The following CNBD1 variants were observed in gnomAD, a reference collection of about 807,000 sequenced individuals.
The protein encoded by CNBD1 is cyclic nucleotide-binding domain-containing protein 1.
Under a neutral mutation model 54.4 loss-of-function variants are expected in CNBD1, and 71 were observed. The ratio of observed to expected loss-of-function variants is 1.30; its 90% CI spans 1.08 to 1.59. The LOEUF (loss-of-function observed/expected upper bound fraction) is 1.59. CNBD1 is among the 40% of genes most tolerant of loss of function. The pLI is 0.00. For missense variants in CNBD1, 659 were observed against 518.0 expected (o/e 1.27, Z -2.64); for synonymous variants, 182 against 170.7 (o/e 1.07, Z -0.51).
intron 7 of CNBD1, 54 bp downstream of exon 7, chr8:87,284,869 T>A: frequency 7.9e-7 from 1 of 1,258,454 alleles, no homozygotes; most frequent in Non-Finnish European, 1.1e-6. Context: ...AAACTCAAGC[T>A]ACATTTTGAT....
intron 10 of CNBD1, among the ~76,000 whole-genome samples, chr8:87,360,199 A>G (rs986184393): frequency 1.3e-5 from 2 of 151,920 alleles, no homozygotes; most frequent in African/African-American, 4.8e-5. Flanking sequence ...AATATTAAAG[A>G]CTTCATAAAT....
chr8:87,148,564 T>TA (rs1812537405), intron 4 of CNBD1, among the ~76,000 whole-genome samples: 6 of 152,120 alleles, frequency 3.9e-5, no homozygotes, highest in Admixed American at 3.9e-4. Context: ...AGAAGGGGAA[T>TA]ACTAATCTAG....
At chr8:87,214,786 A>C (rs752098360) in intron 5 of CNBD1, among the ~76,000 whole-genome samples, 65 of 152,306 alleles carry the variant, frequency 4.3e-4, no homozygotes, top group Non-Finnish European at 8.8e-4. Context: ...GCGAAAATGG[A>C]AACCCCTTCT....
At chr8:87,234,232 C>G (rs1460969181) in intron 5 of CNBD1, among the ~76,000 whole-genome samples, 1 of 152,118 alleles carries the variant, frequency 6.6e-6, no homozygotes, top group East Asian at 1.9e-4. Context: ...TTTCCAAACT[C>G]CTGTTAGTGT....
At chr8:87,044,013 A>T (rs1328438377) in intron 4 of CNBD1, among the ~76,000 whole-genome samples, 1 of 152,208 alleles carries the variant, frequency 6.6e-6, no homozygotes, top group Non-Finnish European at 1.5e-5. Flanking sequence ...TGGTGAAATA[A>T]TCTCTATGAT....
intron 2 of CNBD1, among the ~76,000 whole-genome samples, chr8:87,427,129 A>G (rs1808064267): frequency 1.3e-5 from 2 of 152,094 alleles, no homozygotes; most frequent in Admixed American, 1.3e-4. Context: ...GTAAAGAGCT[A>G]GCATCCTTCA....
chr8:86,949,121 A>T (rs1215429142), intron 4 of CNBD1, among the ~76,000 whole-genome samples: 4 of 152,074 alleles, frequency 2.6e-5, no homozygotes, highest in African/African-American at 9.7e-5. Context: ...TTCTGTTTTT[A>T]TGCCAGTAAC....
At chr8:87,065,400 A>G (rs16896784) in intron 4 of CNBD1, among the ~76,000 whole-genome samples, 5,698 of 152,076 alleles carry the variant, frequency 0.037, 154 homozygotes, top group African/African-American at 0.073. Flanking sequence ...GAGAGGATTT[A>G]CATTGCTTCT....
intron 3 of CNBD1, among the ~76,000 whole-genome samples, chr8:86,939,059 C>A (rs1809602777): frequency 6.6e-6 from 1 of 151,902 alleles, no homozygotes; most frequent in Non-Finnish European, 1.5e-5. Flanking sequence ...ATGCTTAATT[C>A]TAGAAATATG....
chr8:86,961,876 A>G lies in CNBD1; in HGVS notation c.431+22122A>G, dbSNP rs115703117. Among the ~76,000 whole-genome samples, 362 of 152,348 alleles carry G rather than the reference A, an allele frequency of 2.4e-3. 2 individuals are homozygous for G. Among genetic ancestry groups the G allele is most frequent in the African/African-American group, 8.5e-3 (352 of 41,588 alleles). The stretch of plus-strand genomic sequence containing the variant: ...TTTATATAAACATCATACACATAAC[A>G]CATGTGTAACTACACAGACTGAAGG... On this transcript the variant is annotated intron_variant, in intron 4 of 10. Transcript: ENST00000518476.
chr8:87,205,857 A>C (rs1267330494), intron 4 of CNBD1, 136 bp from the exon 5 acceptor site: 1 of 598,586 alleles, frequency 1.7e-6, no homozygotes, highest in East Asian at 3.4e-5. Flanking sequence ...AAAAAATAGA[A>C]TAGCATCACA....
At chr8:87,037,637 T>G (rs942267882) in intron 4 of CNBD1, among the ~76,000 whole-genome samples, 3 of 152,198 alleles carry the variant, frequency 2.0e-5, no homozygotes, top group Non-Finnish European at 4.4e-5. Context: ...TCCAACAATT[T>G]TTTGTTATCA....
intron 5 of CNBD1, among the ~76,000 whole-genome samples, chr8:87,234,693 G>A (rs1033291707): frequency 1.3e-5 from 2 of 152,100 alleles, no homozygotes; most frequent in African/African-American, 4.8e-5. Context: ...ATTGTTCAGG[G>A]CCCTAGAATT....
At chr8:87,144,806 G>A (rs1812448275) in intron 4 of CNBD1, among the ~76,000 whole-genome samples, 1 of 135,538 alleles carries the variant, frequency 7.4e-6, no homozygotes, top group African/African-American at 2.9e-5. Flanking sequence ...GGCAAGGAGA[G>A]CGAAACTATG....
chr8:87,330,375 A>AT (rs1240402277), intron 8 of CNBD1, among the ~76,000 whole-genome samples: 6 of 147,026 alleles, frequency 4.1e-5, no homozygotes, highest in South Asian at 2.2e-4. Flanking sequence ...TACTAGTTTT[A>AT]TTTTTTTTCT....
At chr8:86,875,498 G>GT (rs2131772566) in intron 1 of CNBD1, among the ~76,000 whole-genome samples, 1 of 152,276 alleles carries the variant, frequency 6.6e-6, no homozygotes, top group East Asian at 1.9e-4. Context: ...ACTCTAATGG[G>GT]TTTCTGGTCT....
chr8:86,984,317 G>T (rs912812648), intron 4 of CNBD1, among the ~76,000 whole-genome samples: 2 of 152,154 alleles, frequency 1.3e-5, no homozygotes, highest in African/African-American at 4.8e-5. Flanking sequence ...TTTGCCACAG[G>T]GGTGGGGCCC....
chr8:87,087,258 T>TATACATATATATAC (rs1407138079), intron 4 of CNBD1, among the ~76,000 whole-genome samples: 3 of 141,636 alleles, frequency 2.1e-5, no homozygotes, highest in African/African-American at 8.2e-5. Context: ...TATATATATA[T>TATACATATATATAC]ATACATATAT....
chr8:87,150,924 G>T (rs374257323), intron 4 of CNBD1, among the ~76,000 whole-genome samples: 9 of 152,128 alleles, frequency 5.9e-5, no homozygotes, highest in Admixed American at 2.0e-4. Flanking sequence ...AGCAGAGAAA[G>T]AATTTACAGT....
Sources: gnomAD v4.1 joint callset for allele counts (sites outside exome capture counted in the v4.1 genomes callset) on GRCh38, gnomAD v4.1.1 for gene constraint, MANE v1.5 for transcripts, NCBI Gene and HGNC (gene_info 2026-07-23, HGNC 2026-07-21) for gene names.